The following OSBPL9 variants were observed in gnomAD, a reference collection of about 807,000 sequenced individuals.
OSBPL9 encodes the protein oxysterol-binding protein-related protein 9.
A neutral mutation model predicts 106.6 loss-of-function variants in OSBPL9; 40 were observed. The observed-to-expected ratio is 0.38, with a 90% CI of 0.29 to 0.49. The LOEUF (loss-of-function observed/expected upper bound fraction) is 0.49. Among genes scored for constraint, OSBPL9 ranks in the 20% least tolerant of loss-of-function variants. OSBPL9 has a pLI of 0.97. For missense variants in OSBPL9, 609 were observed against 887.2 expected (o/e 0.69, Z 3.98); for synonymous variants, 269 against 295.4 (o/e 0.91, Z 0.92).
intron 1 of OSBPL9, among the ~76,000 whole-genome samples, chr1:51,651,246 T>C (rs1014438720): frequency 1.3e-5 from 2 of 152,136 alleles, no homozygotes; most frequent in Non-Finnish European, 2.9e-5. Context: ...ATTTGGGGAA[T>C]TGCAGAGGTA....
chr1:51,596,763 G>C (rs1012108319), intron 1 of OSBPL9, among the ~76,000 whole-genome samples: 1 of 152,054 alleles, frequency 6.6e-6, no homozygotes, highest in Non-Finnish European at 1.5e-5. Context: ...CTGGGTGACA[G>C]AGCGAGACTC....
the OSBPL9 span, among the ~76,000 whole-genome samples, chr1:51,529,363 G>A: frequency 6.6e-6 from 1 of 151,570 alleles, no homozygotes; most frequent in Non-Finnish European, 1.5e-5. Flanking sequence ...TCAGCCTCCC[G>A]AGTAGCTGGG....
rs764698005 is a variant in OSBPL9 at position 51,759,308 on chromosome 1, GT to G, written c.583-1378del. Among the ~76,000 whole-genome samples, 43 of 151,898 alleles carry G rather than the reference GT, an allele frequency of 2.8e-4. No homozygotes were observed. The South Asian group carries it at 3.7e-3, about 13-fold the overall frequency. ...GCAGAAAGAGGGCTGGGTTTTTTTG[GT>G]TTTAAATTTTCTTTAACAGTCCTGA... On this transcript the variant is annotated intron_variant, in intron 9 of 23. Transcript: ENST00000428468.
At chr1:51,576,723 C>A (rs567655570), upstream of OSBPL9, among the ~76,000 whole-genome samples, 1 of 152,124 alleles carries the variant, frequency 6.6e-6, no homozygotes, top group Admixed American at 6.6e-5. Flanking sequence ...ATTAGGATCT[C>A]ACTATGTTAG....
chr1:51,570,908 G>A, the OSBPL9 span, among the ~76,000 whole-genome samples: 5 of 151,810 alleles, frequency 3.3e-5, no homozygotes, highest in East Asian at 1.9e-4. Flanking sequence ...TGCAACCTCC[G>A]CCTCCCAGGT....
At chr1:51,594,127 T>C (rs1388877344) in intron 1 of OSBPL9, among the ~76,000 whole-genome samples, 1 of 152,162 alleles carries the variant, frequency 6.6e-6, no homozygotes, top group Non-Finnish European at 1.5e-5. Context: ...CTAGGCGCAG[T>C]GGCTCACGCC....
intron 9 of OSBPL9, chr1:51,760,384 C>A: frequency 3.9e-6 from 1 of 255,578 alleles, no homozygotes; most frequent in Non-Finnish European, 7.5e-6. Context: ...TGAGAAGCAC[C>A]GAATTGAATT....
At chr1:51,634,917 A>G (rs1463581151) in intron 1 of OSBPL9, among the ~76,000 whole-genome samples, 1 of 152,088 alleles carries the variant, frequency 6.6e-6, no homozygotes. Flanking sequence ...ATCATATCTC[A>G]TGAGACTTTT....
chr1:51,781,378 C>G (rs543240914), intron 16 of OSBPL9, 43 bp downstream of exon 16: 1 of 1,560,156 alleles, frequency 6.4e-7, no homozygotes, highest in East Asian at 2.3e-5. Flanking sequence ...TAATTGTATA[C>G]TGATTCAAGA....
chr1:51,574,392 G>A (rs1645171305), upstream of OSBPL9, among the ~76,000 whole-genome samples: 2 of 152,118 alleles, frequency 1.3e-5, no homozygotes, highest in South Asian at 2.1e-4. Context: ...GGCCAACGTG[G>A]GCAGATCACA....
At chr1:51,613,417 G>A (rs146143756), upstream of OSBPL9, among the ~76,000 whole-genome samples, 756 of 152,280 alleles carry the variant, frequency 5.0e-3, 9 homozygotes, top group African/African-American at 0.018. Flanking sequence ...TCAGATACTC[G>A]TTAATTCACT....
intron 1 of OSBPL9, among the ~76,000 whole-genome samples, chr1:51,619,049 ATTGTC>A (rs752769701): frequency 3.3e-4 from 51 of 152,284 alleles, no homozygotes; most frequent in Non-Finnish European, 5.7e-4. Flanking sequence ...ATTGTTCAAG[ATTGTC>A]TTTAGGTGGG....
chr1:51,529,753 A>G, the OSBPL9 span, among the ~76,000 whole-genome samples: 8,712 of 151,204 alleles, frequency 0.058, 345 homozygotes, highest in Non-Finnish European at 0.086. Flanking sequence ...ACATATTCAC[A>G]TGCAAAAGGA....
the OSBPL9 span, among the ~76,000 whole-genome samples, chr1:51,539,607 A>C: frequency 1.3e-5 from 2 of 152,218 alleles, no homozygotes; most frequent in African/African-American, 4.8e-5. Context: ...ACTGTTTTAC[A>C]TGTATCTAAT....
At chr1:51,731,704 G>A (rs1312727379) in intron 4 of OSBPL9, among the ~76,000 whole-genome samples, 1 of 151,524 alleles carries the variant, frequency 6.6e-6, no homozygotes, top group African/African-American at 2.4e-5. Context: ...ATAAACCCTG[G>A]AGGGGGAGCT....
the OSBPL9 span, among the ~76,000 whole-genome samples, chr1:51,550,575 C>T: frequency 1.3e-5 from 2 of 152,100 alleles, no homozygotes; most frequent in African/African-American, 2.4e-5. Flanking sequence ...TGCAGTTGTG[C>T]GATCTCGGCC....
intron 8 of OSBPL9, among the ~76,000 whole-genome samples, chr1:51,753,665 G>A (rs1342085635): frequency 6.6e-6 from 1 of 152,138 alleles, no homozygotes; most frequent in Non-Finnish European, 1.5e-5. Context: ...CTTGTTTGGG[G>A]CTGATTAGTA....
the OSBPL9 span, among the ~76,000 whole-genome samples, chr1:51,570,978 C>T: frequency 6.6e-6 from 1 of 152,086 alleles, no homozygotes; most frequent in Non-Finnish European, 1.5e-5. Context: ...CCCGCCACCA[C>T]GCCCGGCTAA....
intron 20 of OSBPL9, chr1:51,784,818 A>G (rs1677221834): frequency 5.6e-6 from 3 of 533,936 alleles, no homozygotes; most frequent in South Asian, 2.5e-5. Context: ...CTGACTTGCA[A>G]TGTTGAACTA....
Sources: allele counts gnomAD v4.1 joint callset (sites outside exome capture counted in the v4.1 genomes callset), GRCh38; gene constraint gnomAD v4.1.1; transcripts MANE v1.5; gene names NCBI Gene and HGNC (gene_info 2026-07-23, HGNC 2026-07-21).